Variants in BPI observed in about 807,000 individuals in gnomAD.
BPI encodes the protein bactericidal permeability increasing protein, also known as bactericidal permeability-increasing protein.
BPI carries 48 observed loss-of-function variants against 57.6 expected under a neutral mutation model. The ratio of observed to expected loss-of-function variants is 0.83; its 90% confidence interval spans 0.66 to 1.06. The LOEUF is 1.06. BPI is among the 50% of genes least tolerant of loss of function. The pLI, the probability that BPI is intolerant of heterozygous loss-of-function variation, is 0.00. For missense variants in BPI, 651 were observed against 609.7 expected (o/e 1.07, Z -0.71); for synonymous variants, 237 against 238.2 (o/e 0.99, Z 0.05).
At chr20:38,322,821 G>T (rs780494205) in intron 7 of BPI, among the ~76,000 whole-genome samples, 22 of 152,272 alleles carry the variant, frequency 1.4e-4, no homozygotes, top group African/African-American at 4.8e-4. Flanking sequence ...TGTTGGCCAG[G>T]CTAATCTCAA....
intron 10 of BPI, 121 bp from the exon 11 acceptor site, chr20:38,327,453 TCTGGCTCTGTGGGC>T: frequency 8.0e-6 from 7 of 869,678 alleles, no homozygotes; most frequent in Non-Finnish European, 1.3e-5. Context: ...TCCCCACTCC[TCTGGCTCTGTGGGC>T]CTGACCCCAC....
chr20:38,312,343 A>G (rs534154126), intron 5 of BPI, among the ~76,000 whole-genome samples: 1 of 152,340 alleles, frequency 6.6e-6, no homozygotes, highest in East Asian at 1.9e-4. Context: ...TGAAGCTGCA[A>G]TTCTGGCCTT....
At chr20:38,304,982 C>A (rs1052292357) in intron 1 of BPI, among the ~76,000 whole-genome samples, 2 of 152,266 alleles carry the variant, frequency 1.3e-5, no homozygotes, top group African/African-American at 4.8e-5. Flanking sequence ...CACATTTACA[C>A]GTGAGAAGTG....
chr20:38,312,107 A>C (rs1414036208), intron 5 of BPI, among the ~76,000 whole-genome samples, 170 bp downstream of exon 5: 1 of 152,002 alleles, frequency 6.6e-6, no homozygotes. Flanking sequence ...TGTTTTGCTG[A>C]AGAGTCCACC....
chr20:38,315,745 T>TTCCC (rs1210244714), intron 5 of BPI, among the ~76,000 whole-genome samples: 2 of 151,966 alleles, frequency 1.3e-5, no homozygotes, highest in Non-Finnish European at 2.9e-5. Context: ...CACTGCTGTC[T>TTCCC]TCCCTCCTTC....
At chr20:38,305,153 G>A (rs924745059) in intron 1 of BPI, among the ~76,000 whole-genome samples, 4 of 152,114 alleles carry the variant, frequency 2.6e-5, no homozygotes, top group African/African-American at 7.2e-5. Flanking sequence ...GTTGGGGTGC[G>A]TTGGGAAAAC....
In BPI at chr20:38,307,696, A is replaced by C. The variant is rs1479090819; in HGVS notation, c.245+15A>C. The C allele has an allele frequency of 1.9e-6, 3 of 1,586,854 alleles. No homozygotes were observed. The highest frequency in any genetic ancestry group is 1.3e-5 in the African/African-American group (1 of 74,106). On this transcript the variant is annotated intron_variant, in intron 2 of 14. Coordinates refer to ENST00000642449, the MANE Select transcript of BPI (RefSeq NM_001725.3). ...AGCTTCTACAGGTGAGGCCTATCAGAGCTCAATCCTCGATTTGCAGGACTT... is the reference window on the plus strand; with the variant it reads ...AGCTTCTACAGGTGAGGCCTATCAGCGCTCAATCCTCGATTTGCAGGACTT...
intron 11 of BPI, 139 bp from the exon 12 acceptor site, chr20:38,330,909 G>A: frequency 3.2e-6 from 3 of 932,190 alleles, no homozygotes; most frequent in Non-Finnish European, 3.4e-6. Context: ...TCGGGGGGCT[G>A]TGACCCGTGG....
rs924354667 is a variant in BPI at position 38,326,575 on chromosome 20, C to A, written c.1161+143C>A. The A allele has an allele frequency of 1.5e-5, 15 of 1,025,680 alleles. No homozygotes were observed. In the African/African-American group the frequency reaches 2.5e-4, roughly 17 times the overall value. The allele number at this position is 1,025,680 out of a possible 1,614,324, so 63.5% of individuals were successfully genotyped here. ...GGAGCCTGAGGCTTGAGTCACTGTA[C>A]TCAATGGTGCCGACTCCTGGAGGTA... On this transcript the variant is annotated intron_variant, in intron 10 of 14. Transcript: ENST00000642449.
chr20:38,316,444 AGAG>A (rs1031440156), intron 5 of BPI, among the ~76,000 whole-genome samples: 6 of 152,260 alleles, frequency 3.9e-5, no homozygotes, highest in Non-Finnish European at 4.4e-5. Context: ...GCTGAAGCTC[AGAG>A]GAGAAGCCTG....
chr20:38,323,249 A>G (rs139040152), intron 7 of BPI, among the ~76,000 whole-genome samples: 381 of 152,216 alleles, frequency 2.5e-3, no homozygotes, highest in Non-Finnish European at 4.6e-3. Flanking sequence ...GTATCCATCT[A>G]TAATTTGGTT....
Position 38,327,678 on chromosome 20 carries a change from G to A in BPI, c.1229+23G>A, listed in dbSNP as rs548563166. 3.1e-6 allele frequency: 5 copies of A among 1,612,040 alleles called. No individual in the cohort carries two copies. The African/African-American group carries it at 5.3e-5, about 17-fold the overall frequency. ...TAGGTAAGTGGGCCTGTGAGAGGAG[G>A]AGGGGGCTGCCCCTCTGTCCTTGGT... On this transcript the variant is annotated intron_variant, in intron 11 of 14. Transcript: ENST00000642449.
At position 38,334,413 on chromosome 20, in the gene BPI, C is replaced by T; in HGVS notation, c.1273-17C>T. 4 of 1,612,000 alleles carry T rather than the reference C, an allele frequency of 2.5e-6. 1 individual carries two copies. Among genetic ancestry groups the T allele is most frequent in the South Asian group, 2.2e-5 (2 of 91,042 alleles). Reference sequence around the variant, plus strand: ...GGCGATGCAGGGCCATCCTCCCATCCTCCCTCTGATTTCCAGGTTGAATTG... The same window carrying T: ...GGCGATGCAGGGCCATCCTCCCATCTTCCCTCTGATTTCCAGGTTGAATTG... On this transcript the variant is annotated splice_polypyrimidine_tract_variant and intron_variant, in intron 12 of 14. Coordinates refer to ENST00000642449, the MANE Select transcript of BPI (RefSeq NM_001725.3).
intron 7 of BPI, chr20:38,321,632 T>C (rs577310612): frequency 6.6e-6 from 1 of 152,276 alleles, no homozygotes; most frequent in African/African-American, 2.4e-5. Flanking sequence ...CTTGTTTGTT[T>C]ACAGTTATTT....
At chr20:38,307,487 A>G (rs2122491593) in intron 1 of BPI, 80 bp from the exon 2 acceptor site, 1 of 1,013,442 alleles carries the variant, frequency 9.9e-7, no homozygotes, top group Non-Finnish European at 1.4e-6. Context: ...ACAGGGGCCC[A>G]GGGTCCAGAG....
chr20:38,316,811 C>T (rs1436061138), intron 5 of BPI, among the ~76,000 whole-genome samples: 2 of 152,176 alleles, frequency 1.3e-5, no homozygotes, highest in Non-Finnish European at 2.9e-5. Context: ...CACTTCTGAG[C>T]ACAGTCCAGA....
intron 5 of BPI, among the ~76,000 whole-genome samples, chr20:38,315,304 G>T (rs1412504681): frequency 6.6e-6 from 1 of 152,166 alleles, no homozygotes; most frequent in Non-Finnish European, 1.5e-5. Context: ...TGGCCTGAAT[G>T]AATGAATGAA....
intron 5 of BPI, among the ~76,000 whole-genome samples, chr20:38,315,702 C>A (rs1377538121): frequency 6.6e-6 from 1 of 152,174 alleles, no homozygotes; most frequent in Non-Finnish European, 1.5e-5. Flanking sequence ...AAACACACTT[C>A]AGGGAAACCA....
intron 13 of BPI, 96 bp downstream of exon 13, chr20:38,334,589 G>A (rs6024931): frequency 8.0e-7 from 1 of 1,245,810 alleles, no homozygotes; most frequent in Admixed American, 1.7e-5. Context: ...CCAGGTATGA[G>A]GGCTGGGCAG....
Sources: gnomAD v4.1 joint callset for allele counts (sites outside exome capture counted in the v4.1 genomes callset) on GRCh38, gnomAD v4.1.1 for gene constraint, MANE v1.5 for transcripts, NCBI Gene and HGNC (gene_info 2026-07-23, HGNC 2026-07-21) for gene names.